FNBP4: variants seen among roughly 807,000 people sequenced by gnomAD.
The protein encoded by FNBP4 is formin-binding protein 4.
Under a neutral mutation model 119.3 loss-of-function variants are expected in FNBP4, and 34 were observed. The ratio of observed to expected loss-of-function variants is 0.28; its 90% CI spans 0.22 to 0.38. FNBP4 has a LOEUF of 0.38. Ranked by LOEUF, FNBP4 falls within the 10% of genes least tolerant of loss-of-function variation. The pLI is 1.00. For missense variants in FNBP4, 1,112 were observed against 1,228.9 expected, an observed-to-expected ratio of 0.90 and a Z score of 1.42; for synonymous variants, 462 against 430.6, an observed-to-expected ratio of 1.07 and a Z score of -0.90.
intron 3 of FNBP4, among the ~76,000 whole-genome samples, chr11:47,754,121 G>A (rs750654436): frequency 1.3e-5 from 2 of 151,644 alleles, no homozygotes; most frequent in Non-Finnish European, 2.9e-5. Context: ...TGTAGCCTCA[G>A]CTACTTGAAC....
chr11:47,738,437 C>T (rs950458012), intron 8 of FNBP4, among the ~76,000 whole-genome samples: 5 of 151,868 alleles, frequency 3.3e-5, no homozygotes, highest in Non-Finnish European at 7.4e-5. Context: ...TGGTGCTGGG[C>T]GCCTGTAATC....
intron 9 of FNBP4, 30 bp downstream of exon 9, chr11:47,736,586 T>G: frequency 6.6e-7 from 1 of 1,519,288 alleles, no homozygotes; most frequent in Non-Finnish European, 8.9e-7. Context: ...TAATAAAAAT[T>G]TGTCAAGTTG....
At position 47,717,386 on chromosome 11, in the gene FNBP4, A is replaced by T; in HGVS notation, c.*36T>A. The stretch of plus-strand genomic sequence containing the variant: ...TAAGACTTTGAACTGAACACAAAAC[A>T]AACAATAATACAAAAAAGTTTTAAA... On this transcript the variant is annotated 3_prime_UTR_variant, in exon 17 of 17. Transcript: ENST00000263773. The T allele has an allele frequency of 7.0e-7, 1 of 1,420,160 alleles. No individual in the cohort carries two copies. Among genetic ancestry groups the T allele is most frequent in the Non-Finnish European group, 9.8e-7 (1 of 1,015,772 alleles). The allele number at this position is 1,420,160 out of a possible 1,614,324, so 88.0% of individuals were successfully genotyped here.
At chr11:47,740,801 A>G (rs1167374569) in intron 8 of FNBP4, among the ~76,000 whole-genome samples, 1 of 151,580 alleles carries the variant, frequency 6.6e-6, no homozygotes, top group Non-Finnish European at 1.5e-5. Flanking sequence ...CATGTTGGCC[A>G]AGATGGTCTC....
chr11:47,729,643 C>T (rs1235132013), intron 12 of FNBP4: 1 of 956,918 alleles, frequency 1.0e-6, no homozygotes, highest in Non-Finnish European at 1.2e-6. Flanking sequence ...CCAAACAGCT[C>T]GGACTACAGG....
At chr11:47,738,462 G>A (rs560213460) in intron 8 of FNBP4, among the ~76,000 whole-genome samples, 37 of 152,048 alleles carry the variant, frequency 2.4e-4, no homozygotes, top group Non-Finnish European at 4.1e-4. Context: ...CTACTCAGGG[G>A]GCCGAGGCAG....
At chr11:47,721,058 G>A (rs2135063918) in intron 15 of FNBP4, among the ~76,000 whole-genome samples, 1 of 152,086 alleles carries the variant, frequency 6.6e-6, no homozygotes, top group South Asian at 2.1e-4. Flanking sequence ...TGGGCACGAT[G>A]GCTCATGCCT....
chr11:47,752,071 T>C (rs1245240558), intron 4 of FNBP4, among the ~76,000 whole-genome samples: 1 of 152,110 alleles, frequency 6.6e-6, no homozygotes, highest in Non-Finnish European at 1.5e-5. Flanking sequence ...AGATAAAAAT[T>C]ACATCCTACT....
intron 2 of FNBP4, among the ~76,000 whole-genome samples, chr11:47,757,306 T>C (rs537942261): frequency 3.0e-4 from 45 of 152,082 alleles, no homozygotes; most frequent in African/African-American, 9.6e-4. Context: ...GCTCTGCCTC[T>C]CAGGTTCACG....
chr11:47,733,512 T>C (rs2135118456), intron 10 of FNBP4, among the ~76,000 whole-genome samples: 1 of 152,230 alleles, frequency 6.6e-6, no homozygotes, highest in Non-Finnish European at 1.5e-5. Flanking sequence ...ATTTTGTATT[T>C]TTAGTAGAGA....
chr11:47,763,332 C>T (rs191062549), intron 2 of FNBP4, among the ~76,000 whole-genome samples: 1 of 150,696 alleles, frequency 6.6e-6, no homozygotes, highest in Non-Finnish European at 1.5e-5. Flanking sequence ...GTAATCCCAG[C>T]TGCTCAGGAG....
At chr11:47,760,338 T>G (rs957080397) in intron 2 of FNBP4, among the ~76,000 whole-genome samples, 22 of 150,592 alleles carry the variant, frequency 1.5e-4, no homozygotes, top group Non-Finnish European at 3.0e-4. Flanking sequence ...CTCGGCTCAC[T>G]GCAGCCTCTG....
At chr11:47,731,328 C>T (rs1257466971) in intron 12 of FNBP4, 46 bp downstream of exon 12, 3 of 1,509,768 alleles carry the variant, frequency 2.0e-6, no homozygotes, top group Non-Finnish European at 8.9e-7. Flanking sequence ...AAGATTTTTC[C>T]TCTAAAGTCA....
In FNBP4 at chr11:47,728,747, T is replaced by G. The variant is rs1017042666; in HGVS notation, c.2008+2627A>C. 1.3e-5 allele frequency among the ~76,000 whole-genome samples: 2 copies of G among 152,114 alleles called. 1 individual carries two copies. On this transcript the variant is annotated intron_variant, in intron 12 of 16. Transcript: ENST00000263773. ...TCTTGCCATATTGCCCAGGCTGGTT[T>G]TGAATTCCTGAGCTCAAGTGATCCT...
At chr11:47,764,801 T>G (rs1287111802) in intron 2 of FNBP4, among the ~76,000 whole-genome samples, 1 of 152,184 alleles carries the variant, frequency 6.6e-6, no homozygotes, top group Non-Finnish European at 1.5e-5. Flanking sequence ...TGCGCCAAAG[T>G]CTAAGTGTGA....
chr11:47,719,576 ATGTGTG>A (rs66711141), intron 16 of FNBP4, among the ~76,000 whole-genome samples: 6,757 of 147,736 alleles, frequency 0.046, 164 homozygotes, highest in Middle Eastern at 0.072. Flanking sequence ...TTATGTGTGT[ATGTGTG>A]TGTGTGTGTG....
chr11:47,746,415 T>C (rs746278834), intron 6 of FNBP4, 21 bp from the exon 7 acceptor site: 3 of 1,547,262 alleles, frequency 1.9e-6, no homozygotes, highest in East Asian at 4.5e-5. Flanking sequence ...CAAAATAATT[T>C]AGTCTCATTT....
At chr11:47,746,925 T>C (rs949444137) in intron 6 of FNBP4, among the ~76,000 whole-genome samples, 12 of 152,216 alleles carry the variant, frequency 7.9e-5, no homozygotes, top group African/African-American at 2.9e-4. Flanking sequence ...ATATCCTCCC[T>C]GCTATTCTCA....
intron 2 of FNBP4, among the ~76,000 whole-genome samples, chr11:47,757,996 T>C (rs1429540001): frequency 3.3e-5 from 5 of 152,220 alleles, no homozygotes; most frequent in African/African-American, 9.6e-5. Context: ...TTTTATTTTA[T>C]GCAGAGATGG....
Sources: gnomAD v4.1 joint callset for allele counts (sites outside exome capture counted in the v4.1 genomes callset) on GRCh38, gnomAD v4.1.1 for gene constraint, MANE v1.5 for transcripts, NCBI Gene and HGNC (gene_info 2026-07-23, HGNC 2026-07-21) for gene names.